PRKDC: variants seen among roughly 807,000 people sequenced by gnomAD.
The protein encoded by PRKDC is DNA-dependent protein kinase catalytic subunit.
Under a neutral mutation model 486.9 loss-of-function variants are expected in PRKDC, and 82 were observed. The ratio of observed to expected loss-of-function variants is 0.17; its 90% CI spans 0.14 to 0.20. The LOEUF is 0.20. Ranked by LOEUF, PRKDC falls within the 10% of genes least tolerant of loss-of-function variation. PRKDC has a pLI of 1.00. For synonymous variants in PRKDC, 1,895 were observed against 1,837.0 expected, an observed-to-expected ratio of 1.03 and a Z score of -0.81; for missense variants, 4,504 against 5,038.2, an observed-to-expected ratio of 0.89 and a Z score of 3.21.
At chr8:47,799,075 C>T (rs1332303570) in intron 72 of PRKDC, 135 bp downstream of exon 72, 1 of 1,210,878 alleles carries the variant, frequency 8.3e-7, no homozygotes. Flanking sequence ...CTGCCATTGT[C>T]TCTTAAAAAG....
Position 47,887,578 on chromosome 8 carries a change from A to G in PRKDC, c.4541T>C (p.Leu1514Pro). Reference protein sequence around the residue: ...DLSCKQLASGLLELAFAFGGL... With the variant: ...DLSCKQLASGPLELAFAFGGL... ...TCCAAAAGCAAAGGCTAACTCCAGA[A>G]GTCCGCTGGCCAGCTGCTTACAACT... The change falls in exon 35 of 86, where the codon CTT becomes CCT. Residue 1514 changes from leucine (L) to proline (P), a missense_variant. This residue lies in a region of PRKDC where 1,969 missense variants were observed against 2,068.9 expected (regional missense o/e 0.95). Coordinates refer to ENST00000314191, the MANE Select transcript of PRKDC (RefSeq NM_006904.7). 1 of 1,593,386 alleles carries G rather than the reference A, an allele frequency of 6.3e-7. No homozygotes were observed. Among genetic ancestry groups the G allele is most frequent in the Non-Finnish European group, 8.5e-7 (1 of 1,169,808 alleles).
chr8:47,934,146 G>A (rs1053275116), intron 14 of PRKDC, 56 bp from the exon 15 acceptor site: 1 of 1,528,276 alleles, frequency 6.5e-7, no homozygotes, highest in African/African-American at 1.4e-5. Flanking sequence ...AAGCAGCACT[G>A]CTGCCAGAAC....
chr8:47,838,273 G>C (rs1372585882), intron 56 of PRKDC, among the ~76,000 whole-genome samples: 1 of 152,112 alleles, frequency 6.6e-6, no homozygotes, highest in Non-Finnish European at 1.5e-5. Flanking sequence ...TAAAATTATA[G>C]CAGAATGGAA....
At chr8:47,898,674 AT>A in intron 28 of PRKDC, 105 bp from the exon 29 acceptor site, 1 of 609,766 alleles carries the variant, frequency 1.6e-6, no homozygotes. Context: ...TGAAAAGGTA[AT>A]TTTACTATAG....
In PRKDC at chr8:47,826,824, T is replaced by C; in HGVS notation, c.8615A>G (p.Asp2872Gly). The change falls in exon 63 of 86, where the codon GAC (aspartate) becomes GGC (glycine). Residue 2872 changes from aspartate (D) to glycine (G), a missense_variant. Coordinates refer to ENST00000314191, the MANE Select transcript of PRKDC (RefSeq NM_006904.7). ...SCQHAALLSL[D>G]PAAVSAGCLA... ...GCAACCAGCGCTAACAGCCGCTGGGTCGAGGCTCAGCAGGGCTGCGTGCTG... is the reference window on the plus strand; with the variant it reads ...GCAACCAGCGCTAACAGCCGCTGGGCCGAGGCTCAGCAGGGCTGCGTGCTG... 1 of 1,602,026 alleles carries C rather than the reference T, an allele frequency of 6.2e-7. No individual in the cohort carries two copies. Among genetic ancestry groups the C allele is most frequent in the Non-Finnish European group, 8.5e-7 (1 of 1,173,580 alleles).
intron 64 of PRKDC, among the ~76,000 whole-genome samples, 178 bp downstream of exon 64, chr8:47,823,680 A>G (rs1476174151): frequency 6.6e-6 from 1 of 152,146 alleles, no homozygotes; most frequent in Non-Finnish European, 1.5e-5. Context: ...ATAGTATGGT[A>G]GGCCCTAACT....
intron 55 of PRKDC, 69 bp from the exon 56 acceptor site, chr8:47,839,315 A>G: frequency 3.8e-6 from 4 of 1,044,974 alleles, no homozygotes; most frequent in Non-Finnish European, 5.9e-6. Context: ...CAACTACAGT[A>G]ACACCATCTA....
At chr8:47,819,114 C>A (rs2087523523) in intron 67 of PRKDC, among the ~76,000 whole-genome samples, 1 of 152,206 alleles carries the variant, frequency 6.6e-6, no homozygotes, top group Non-Finnish European at 1.5e-5. Context: ...GTGGGCCCCA[C>A]CATCCTTGTG....
intron 19 of PRKDC, 125 bp downstream of exon 19, chr8:47,928,967 G>A: frequency 1.3e-6 from 1 of 764,258 alleles, no homozygotes; most frequent in Non-Finnish European, 2.1e-6. Flanking sequence ...TGGGATTAAG[G>A]GCATGAGCCA....
chr8:47,824,140 T>C, intron 63 of PRKDC, 144 bp from the exon 64 acceptor site: 1 of 949,228 alleles, frequency 1.1e-6, no homozygotes, highest in Non-Finnish European at 1.4e-6. Context: ...GCTAAAAATA[T>C]AAAATTTAAG....
intron 48 of PRKDC, among the ~76,000 whole-genome samples, chr8:47,858,105 C>T (rs1295746592): frequency 1.3e-5 from 2 of 152,150 alleles, no homozygotes. Flanking sequence ...CTCCAAGATG[C>T]TCCTACCTCA....
At chr8:47,910,576 C>T (rs775071810) in intron 25 of PRKDC, among the ~76,000 whole-genome samples, 1 of 152,200 alleles carries the variant, frequency 6.6e-6, no homozygotes, top group African/African-American at 2.4e-5. Context: ...ATCTACTACA[C>T]AAGACTCCCT....
chr8:47,794,208 G>T, intron 74 of PRKDC, 82 bp downstream of exon 74: 1 of 1,094,994 alleles, frequency 9.1e-7, no homozygotes, highest in Non-Finnish European at 1.3e-6. Context: ...GAAAACAAAT[G>T]TAGTGTCCAC....
chr8:47,820,632 A>C (rs2087568486), intron 66 of PRKDC, 87 bp downstream of exon 66: 2 of 831,274 alleles, frequency 2.4e-6, no homozygotes, highest in Non-Finnish European at 3.2e-6. Context: ...AAATATCCTA[A>C]AAATAGTATA....
chr8:47,840,998 C>T (rs1268472964), intron 54 of PRKDC, among the ~76,000 whole-genome samples: 1 of 152,212 alleles, frequency 6.6e-6, no homozygotes, highest in Admixed American at 6.5e-5. Flanking sequence ...AGAGGCAACA[C>T]AGACACTGAG....
chr8:47,786,839 C>T (rs1047186245), intron 76 of PRKDC, among the ~76,000 whole-genome samples: 5 of 137,892 alleles, frequency 3.6e-5, no homozygotes, highest in African/African-American at 1.4e-4. Flanking sequence ...AAGTGATTCT[C>T]TTGCCTCACC....
At chr8:47,865,872 G>C (rs1238451019) in intron 40 of PRKDC, among the ~76,000 whole-genome samples, 2 of 152,196 alleles carry the variant, frequency 1.3e-5, no homozygotes, top group African/African-American at 4.8e-5. Context: ...AGAGGTCCCA[G>C]AGGCCGGGTG....
Position 47,830,733 on chromosome 8 carries a change from T to C in PRKDC, c.8269A>G (p.Ile2757Val). 1 of 1,613,910 alleles carries C rather than the reference T, an allele frequency of 6.2e-7. No homozygotes were observed. The highest frequency in any genetic ancestry group is 8.5e-7 in the Non-Finnish European group (1 of 1,179,884). The change falls in exon 61 of 86, where the codon ATC (isoleucine) becomes GTC (valine). Residue 2757 changes from isoleucine (I) to valine (V), a missense_variant. Transcript: ENST00000314191. ...GVAEQKREKE[I>V]KSELKMKQDA... is the part of the protein sequence containing the mutation. ...TGCTTCATTTTTAACTCACTCTTGA[T>C]TTCCTATAAGCACCAGAACCAAAGA...
At chr8:47,885,202 G>A (rs1464128771) in intron 36 of PRKDC, among the ~76,000 whole-genome samples, 1 of 152,182 alleles carries the variant, frequency 6.6e-6, no homozygotes, top group African/African-American at 2.4e-5. Flanking sequence ...TCAGGCTGGA[G>A]TGCAGTGGGC....
Sources: allele counts gnomAD v4.1 joint callset (sites outside exome capture counted in the v4.1 genomes callset), GRCh38; gene constraint gnomAD v4.1.1; regional missense constraint gnomAD v4.1.1; transcripts MANE v1.5; gene names NCBI Gene and HGNC (gene_info 2026-07-23, HGNC 2026-07-21).